Variants in CTTN observed in about 807,000 individuals in gnomAD.
CTTN encodes src substrate cortactin.
A neutral mutation model predicts 84.0 loss-of-function variants in CTTN; 28 were observed. The ratio of observed to expected loss-of-function variants is 0.33; its 90% CI spans 0.25 to 0.46. The LOEUF (loss-of-function observed/expected upper bound fraction) is 0.46, where lower values mean the gene tolerates loss of function less well. CTTN is among the 20% of genes least tolerant of loss of function. The probability of loss-of-function intolerance (pLI) is 1.00; values close to 1 mark genes in which losing one functional copy is unlikely to be tolerated. For synonymous variants in CTTN, 301 were observed against 288.8 expected (o/e 1.04, Z -0.43); for missense variants, 641 against 723.8 (o/e 0.89, Z 1.31).
At chr11:70,429,680 C>A (rs1262209633) in intron 14 of CTTN, among the ~76,000 whole-genome samples, 1 of 152,278 alleles carries the variant, frequency 6.6e-6, no homozygotes, top group East Asian at 1.9e-4. Context: ...TCACCCAAGC[C>A]CCTGGGCTGT....
intron 8 of CTTN, among the ~76,000 whole-genome samples, chr11:70,417,505 T>C (rs1431100424): frequency 6.6e-6 from 1 of 151,802 alleles, no homozygotes; most frequent in East Asian, 1.9e-4. Context: ...ATTTTTTTTT[T>C]TTTTCTTTTA....
intron 7 of CTTN, 61 bp from the exon 8 acceptor site, chr11:70,416,952 C>G: frequency 8.3e-7 from 1 of 1,207,802 alleles, no homozygotes; most frequent in Non-Finnish European, 1.2e-6. Context: ...CTTAGTTTAA[C>G]AAAAGGAACA....
chr11:70,423,034 G>A (rs769720009), intron 12 of CTTN, 39 bp downstream of exon 12: 11 of 1,612,714 alleles, frequency 6.8e-6, no homozygotes, highest in Middle Eastern at 3.3e-4. Flanking sequence ...TCTTCTGCCT[G>A]CAGGGGCTCT....
rs2058373869 is a variant in CTTN at position 70,433,156 on chromosome 11, A to G, written c.1322A>G (p.Glu441Gly). The G allele has an allele frequency of 3.7e-6, 6 of 1,613,654 alleles. No homozygotes were observed. Among genetic ancestry groups the G allele is most frequent in the Non-Finnish European group, 5.1e-6 (6 of 1,179,998 alleles). ...TACAGAGGCCCTGTGAGTGGGACGG[A>G]GCCGGAGCCCGTGTACAGCATGGAG... ...LSYRGPVSGTEPEPVYSMEAA... is the reference protein window; with the variant it reads ...LSYRGPVSGTGPEPVYSMEAA... The change falls in exon 16 of 18, where the codon GAG (glutamate) becomes GGG (glycine). Residue 441 changes from glutamate to glycine, a missense_variant. Glu to Gly is a moderately conservative substitution (Grantham distance 98). This residue lies in a region of CTTN where 289 missense variants were observed against 273.1 expected (regional missense o/e 1.06). Transcript: ENST00000301843.
intron 15 of CTTN, among the ~76,000 whole-genome samples, chr11:70,432,714 G>A (rs770355284): frequency 9.2e-5 from 14 of 152,234 alleles, no homozygotes; most frequent in African/African-American, 1.2e-4. Context: ...GTGGCCGCTC[G>A]GCCCAAGGGT....
chr11:70,430,378 CT>C (rs1357237098), intron 14 of CTTN, among the ~76,000 whole-genome samples: 1 of 152,242 alleles, frequency 6.6e-6, no homozygotes, highest in Non-Finnish European at 1.5e-5. Context: ...TCTTATAGCT[CT>C]GGAGGTCAGA....
At position 70,433,267 on chromosome 11, in the gene CTTN, A is replaced by G. The variant is rs748195525; in HGVS notation, c.1433A>G (p.His478Arg). The change falls in exon 16 of 18, where the codon CAC (histidine) becomes CGC (arginine). Residue 478 changes from histidine (H) to arginine (R), a missense_variant. Physicochemically the swap from His to Arg is conservative, Grantham distance 29 (BLOSUM62 0). Transcript: ENST00000301843. The stretch of plus-strand genomic sequence containing the variant: ...TATGAAAGCGCAGAGGCCCCGGGCC[A>G]CTATCCCGCAGGTACTGGGGCCCCA... ...AVYESAEAPG[H>R]YPAEDSTYDE... 5.0e-5 allele frequency: 80 copies of G among 1,610,382 alleles called. No individual in the cohort carries two copies. The highest frequency in any genetic ancestry group is 2.7e-4 in the South Asian group (25 of 90,962).
intron 10 of CTTN, 75 bp downstream of exon 10, chr11:70,420,585 GT>G (rs1352323962): frequency 2.8e-6 from 3 of 1,071,890 alleles, no homozygotes; most frequent in African/African-American, 3.1e-5. Flanking sequence ...GTTGGTATGT[GT>G]TGTGTCTGCG....
chr11:70,411,383 CGTGT>C (rs2058094942), intron 5 of CTTN, among the ~76,000 whole-genome samples: 1 of 127,196 alleles, frequency 7.9e-6, no homozygotes, highest in African/African-American at 3.8e-5. Flanking sequence ...GCGAGCGAAG[CGTGT>C]GCACACGGAC....
At chr11:70,434,467 T>C (rs1460834154) in intron 17 of CTTN, among the ~76,000 whole-genome samples, 2 of 152,292 alleles carry the variant, frequency 1.3e-5, no homozygotes, top group East Asian at 3.8e-4. Flanking sequence ...GCGCGGAAGC[T>C]GGCATTCTAC....
chr11:70,414,526 T>C lies in CTTN; in HGVS notation c.292-16T>C. The C allele has an allele frequency of 6.2e-7, 1 of 1,601,702 alleles. No individual in the cohort carries two copies. Among genetic ancestry groups the C allele is most frequent in the Non-Finnish European group, 8.6e-7 (1 of 1,169,008 alleles). On this transcript the variant is annotated splice_polypyrimidine_tract_variant and intron_variant, in intron 5 of 17. Transcript: ENST00000301843. ...GTTGTTGGTGTCTAATGCTTTGTGT[T>C]TGAACCCTGTTCCAGTCAGCTGTCG...
At chr11:70,421,017 C>A (rs954440032) in intron 10 of CTTN, among the ~76,000 whole-genome samples, 2 of 152,218 alleles carry the variant, frequency 1.3e-5, no homozygotes, top group African/African-American at 4.8e-5. Flanking sequence ...GTGCCCCTTC[C>A]CTGGAAAAAG....
chr11:70,416,990 T>A (rs775999193), intron 7 of CTTN, 23 bp from the exon 8 acceptor site: 7 of 1,582,136 alleles, frequency 4.4e-6, no homozygotes, highest in Non-Finnish European at 5.2e-6. Flanking sequence ...GCCCCCGTGC[T>A]AATTGCTGCC....
chr11:70,399,739 G>A (rs1478005876), intron 1 of CTTN, among the ~76,000 whole-genome samples: 1 of 152,198 alleles, frequency 6.6e-6, no homozygotes, highest in Non-Finnish European at 1.5e-5. Flanking sequence ...GGCCCCTTGG[G>A]GAGGAATTCA....
At chr11:70,426,284 G>A (rs958250297) in intron 13 of CTTN, among the ~76,000 whole-genome samples, 14 of 152,082 alleles carry the variant, frequency 9.2e-5, no homozygotes, top group East Asian at 2.0e-4. Flanking sequence ...GGTGGCGGGC[G>A]CCTGTAGTCC....
intron 8 of CTTN, among the ~76,000 whole-genome samples, chr11:70,417,852 C>T (rs929240071): frequency 6.6e-6 from 1 of 152,162 alleles, no homozygotes; most frequent in African/African-American, 2.4e-5. Flanking sequence ...AGTGATTATT[C>T]AAAAGAATCA....
chr11:70,423,319 C>T (rs1220270197), intron 12 of CTTN, among the ~76,000 whole-genome samples: 1 of 152,202 alleles, frequency 6.6e-6, no homozygotes, highest in Non-Finnish European at 1.5e-5. Context: ...AACTTAAATT[C>T]TTAATAGTAA....
intron 1 of CTTN, among the ~76,000 whole-genome samples, chr11:70,404,829 C>T (rs1043862572): frequency 2.0e-5 from 3 of 152,094 alleles, no homozygotes; most frequent in African/African-American, 7.2e-5. Context: ...ATGGAGAAAA[C>T]CCGTCTGTAC....
At chr11:70,425,481 G>C in intron 13 of CTTN, 80 bp downstream of exon 13, 3 of 1,014,368 alleles carry the variant, frequency 3.0e-6, no homozygotes, top group Non-Finnish European at 4.6e-6. Flanking sequence ...GAAACAGCCA[G>C]GAGCAGATGC....
Sources: gnomAD v4.1 joint callset for allele counts (sites outside exome capture counted in the v4.1 genomes callset) on GRCh38, gnomAD v4.1.1 for gene constraint, gnomAD v4.1.1 regional missense constraint, MANE v1.5 for transcripts, NCBI Gene and HGNC (gene_info 2026-07-23, HGNC 2026-07-21) for gene names.